The following CTNNA3 variants were observed in gnomAD, a reference collection of about 807,000 sequenced individuals.
The protein encoded by CTNNA3 is catenin alpha 3.
CTNNA3 carries 76 observed loss-of-function variants against 95.7 expected under a neutral mutation model. The observed-to-expected ratio is 0.79, with a 90% CI of 0.66 to 0.96. CTNNA3 has a LOEUF of 0.96. Among genes scored for constraint, CTNNA3 ranks in the 40% least tolerant of loss-of-function variants. The probability of loss-of-function intolerance (pLI) is 0.00; values close to 1 mark genes in which losing one functional copy is unlikely to be tolerated. For synonymous variants in CTNNA3, 431 were observed against 374.4 expected (o/e 1.15, Z -1.74); for missense variants, 1,191 against 1,089.8 (o/e 1.09, Z -1.31).
intron 12 of CTNNA3, among the ~76,000 whole-genome samples, chr10:66,373,236 T>C (rs1358006470): frequency 4.6e-5 from 7 of 152,196 alleles, no homozygotes. Flanking sequence ...CAAGTTTGTA[T>C]GTTCATTTAC....
At chr10:66,486,340 C>T (rs1474909987) in intron 11 of CTNNA3, among the ~76,000 whole-genome samples, 1 of 152,114 alleles carries the variant, frequency 6.6e-6, no homozygotes, top group African/African-American at 2.4e-5. Context: ...AATGAACTCA[C>T]TGAACTCAAT....
chr10:66,468,599 AAG>A (rs1441066586), intron 11 of CTNNA3, among the ~76,000 whole-genome samples: 19 of 152,070 alleles, frequency 1.2e-4, no homozygotes, highest in Admixed American at 1.2e-3. Flanking sequence ...CAAATTTGCT[AAG>A]AGAGAAATCA....
intron 7 of CTNNA3, among the ~76,000 whole-genome samples, chr10:67,052,357 T>C: frequency 6.7e-6 from 1 of 148,390 alleles, no homozygotes; most frequent in Admixed American, 6.7e-5. Context: ...TCTCTCTCAT[T>C]AAAAGCACTA....
intron 3 of CTNNA3, among the ~76,000 whole-genome samples, chr10:67,550,550 A>G (rs1023306789): frequency 6.6e-6 from 1 of 151,976 alleles, no homozygotes; most frequent in Non-Finnish European, 1.5e-5. Flanking sequence ...AAATGAAGAA[A>G]GAATAAAGAA....
At chr10:66,443,400 C>A (rs974110812) in intron 11 of CTNNA3, among the ~76,000 whole-genome samples, 8 of 152,268 alleles carry the variant, frequency 5.3e-5, no homozygotes, top group African/African-American at 1.9e-4. Context: ...AACTGGGAGG[C>A]GCCCCCCAGT....
chr10:67,736,980 G>C (rs1254578733), intron 1 of CTNNA3, among the ~76,000 whole-genome samples: 1 of 150,886 alleles, frequency 6.6e-6, no homozygotes, highest in African/African-American at 2.4e-5. Context: ...TTTTTTTTGG[G>C]GGGGACAGCG....
chr10:66,487,505 C>A (rs1030777659), intron 11 of CTNNA3, among the ~76,000 whole-genome samples: 4 of 151,916 alleles, frequency 2.6e-5, no homozygotes, highest in Non-Finnish European at 5.9e-5. Flanking sequence ...AGATTACAGG[C>A]GCGGAGCCAC....
chr10:66,940,731 A>G (rs561020377), intron 7 of CTNNA3, among the ~76,000 whole-genome samples: 53 of 152,286 alleles, frequency 3.5e-4, no homozygotes, highest in African/African-American at 1.3e-3. Context: ...ATCAATGGCT[A>G]AATTATTCCC....
intron 7 of CTNNA3, among the ~76,000 whole-genome samples, chr10:67,137,319 T>A (rs373860139): frequency 2.7e-5 from 4 of 148,740 alleles, no homozygotes; most frequent in South Asian, 4.2e-4. Context: ...ATTAAAAAAA[T>A]ATCAAACATC....
At chr10:66,444,236 T>A (rs2093399615) in intron 11 of CTNNA3, among the ~76,000 whole-genome samples, 1 of 152,134 alleles carries the variant, frequency 6.6e-6, no homozygotes, top group South Asian at 2.1e-4. Flanking sequence ...TAGAACCAAG[T>A]TGGAAAACAC....
At chr10:66,500,290 ATAAAG>A (rs1484255675) in intron 11 of CTNNA3, among the ~76,000 whole-genome samples, 1 of 152,194 alleles carries the variant, frequency 6.6e-6, no homozygotes, top group Non-Finnish European at 1.5e-5. Flanking sequence ...TCATGCTTTA[ATAAAG>A]TATTTTAATT....
At chr10:67,256,212 T>C (rs1213845677) in intron 5 of CTNNA3, among the ~76,000 whole-genome samples, 1 of 152,184 alleles carries the variant, frequency 6.6e-6, no homozygotes, top group East Asian at 1.9e-4. Flanking sequence ...TGCCTTGCTC[T>C]TTCTTTAATT....
At chr10:66,856,193 G>A (rs1039072719) in intron 7 of CTNNA3, among the ~76,000 whole-genome samples, 6 of 151,994 alleles carry the variant, frequency 3.9e-5, no homozygotes. Flanking sequence ...CTGTTCCTGT[G>A]TTAGTTTGTT....
At position 66,863,319 on chromosome 10, in the gene CTNNA3, C is replaced by CTACT. The variant is rs375931923; in HGVS notation, c.1048-87799_1048-87796dup. ...TACAGAAGCTTAGGAGTAGTATGTT[C>CTACT]TACTTACTATTTAAAAAATCATCCG... On this transcript the variant is annotated intron_variant, in intron 7 of 17. Coordinates refer to ENST00000433211, the MANE Select transcript of CTNNA3 (RefSeq NM_013266.4). Among the ~76,000 whole-genome samples the CTACT allele has an allele frequency of 2.4e-3, 364 of 151,998 alleles. 3 individuals are homozygous for CTACT. Among genetic ancestry groups the CTACT allele is most frequent in the African/African-American group, 8.1e-3 (336 of 41,442 alleles).
intron 5 of CTNNA3, among the ~76,000 whole-genome samples, chr10:67,480,766 C>T (rs1848187593): frequency 6.6e-6 from 1 of 152,140 alleles, no homozygotes; most frequent in South Asian, 2.1e-4. Context: ...GCTGTTAGCT[C>T]CCTGATTCCC....
intron 5 of CTNNA3, among the ~76,000 whole-genome samples, chr10:67,408,125 T>C (rs1845209547): frequency 6.6e-6 from 1 of 152,202 alleles, no homozygotes; most frequent in African/African-American, 2.4e-5. Context: ...TCCATGCTAA[T>C]GAATAGGAAG....
intron 13 of CTNNA3, among the ~76,000 whole-genome samples, chr10:66,166,441 C>T (rs2085130826): frequency 6.7e-6 from 1 of 148,232 alleles, no homozygotes; most frequent in Admixed American, 6.8e-5. Flanking sequence ...TTGAACCGAG[C>T]TGAGATCGCA....
At chr10:67,663,334 T>TTG (rs369412809) in intron 1 of CTNNA3, among the ~76,000 whole-genome samples, 2,037 of 151,214 alleles carry the variant, frequency 0.013, 42 homozygotes, top group African/African-American at 0.044. Context: ...TTATTTTTCT[T>TTG]TGTGTGTGTG....
In CTNNA3 at chr10:67,090,510, C is replaced by A. The variant is rs16924013; in HGVS notation, c.1047+89807G>T. 7.9e-3 allele frequency among the ~76,000 whole-genome samples: 1,204 copies of A among 152,166 alleles called. 8 individuals carry two copies. Among genetic ancestry groups the A allele is most frequent in the African/African-American group, 0.028 (1,164 of 41,532 alleles). ...AGAATTAGATAGAGTGATAGATAAG[C>A]AACAAAATGTAGTGGTTAAGAAGGC... On this transcript the variant is annotated intron_variant, in intron 7 of 17. Transcript: ENST00000433211.
Sources: gnomAD v4.1 joint callset for allele counts (sites outside exome capture counted in the v4.1 genomes callset) on GRCh38, gnomAD v4.1.1 for gene constraint, MANE v1.5 for transcripts, NCBI Gene and HGNC (gene_info 2026-07-23, HGNC 2026-07-21) for gene names.